MYO19: variants seen among roughly 807,000 people sequenced by gnomAD.
The protein encoded by MYO19 is unconventional myosin-XIX.
A neutral mutation model predicts 129.2 loss-of-function variants in MYO19; 132 were observed. That is an observed-to-expected ratio of 1.02 (90% CI 0.89 to 1.18). The LOEUF (loss-of-function observed/expected upper bound fraction) is 1.18, where lower values mean the gene tolerates loss of function less well. Ranked by LOEUF, MYO19 falls within the 50% of genes most tolerant of loss-of-function variation. The pLI, the probability that MYO19 is intolerant of heterozygous loss-of-function variation, is 0.00. For missense variants in MYO19, 1,210 were observed against 1,216.7 expected (o/e 0.99, Z 0.08); for synonymous variants, 531 against 477.2 (o/e 1.11, Z -1.47).
In MYO19 at chr17:36,515,898, T is replaced by C; in HGVS notation, c.507A>G (p.Glu169=). ...WESHKIAERI[E]QRILNSNPVM... ...CAGGGTTGGAGTTCAGGATCCTCTG[T>C]TCTATCCTCTCTGCAATCTTGTGGC... Residue 169 remains glutamate, a synonymous_variant, in exon 7 of 26, where the codon GAA becomes GAG. Coordinates refer to ENST00000614623, the MANE Select transcript of MYO19 (RefSeq NM_001163735.2). 6.2e-7 allele frequency: 1 copy of C among 1,613,882 alleles called. No individual in the cohort carries two copies. Among genetic ancestry groups the C allele is most frequent in the Non-Finnish European group, 8.5e-7 (1 of 1,179,788 alleles).
At chr17:36,523,795 A>G (rs569372239) in intron 6 of MYO19, among the ~76,000 whole-genome samples, 1 of 152,346 alleles carries the variant, frequency 6.6e-6, no homozygotes, top group African/African-American at 2.4e-5. Context: ...CCAAAACCAA[A>G]AAGTCAGTAA....
intron 23 of MYO19, chr17:36,499,654 C>CTTTTTCTTTTTTTTTT (rs1260911885): frequency 2.7e-5 from 2 of 73,092 alleles, no homozygotes; most frequent in African/African-American, 1.2e-4. Flanking sequence ...TATTCTTTTT[C>CTTTTTCTTTTTTTTTT]TTTTTGTTTC....
At chr17:36,511,968 G>A (rs997340911) in intron 11 of MYO19, among the ~76,000 whole-genome samples, 1 of 152,102 alleles carries the variant, frequency 6.6e-6, no homozygotes, top group East Asian at 1.9e-4. Context: ...GTGCCCCTTT[G>A]CCTTTGTACT....
intron 23 of MYO19, chr17:36,500,505 A>T (rs936470324): frequency 2.0e-5 from 6 of 296,794 alleles, no homozygotes; most frequent in Non-Finnish European, 3.8e-5. Context: ...CCAGCAGGTA[A>T]TGGTTTGAGT....
intron 6 of MYO19, among the ~76,000 whole-genome samples, chr17:36,516,736 C>T: frequency 6.6e-6 from 1 of 152,226 alleles, no homozygotes; most frequent in Non-Finnish European, 1.5e-5. Flanking sequence ...TTCATTTTAA[C>T]TTCTAATTGT....
chr17:36,541,602 T>C lies in MYO19; in HGVS notation n.395+479A>G, dbSNP rs188599340. On this transcript the variant is annotated intron_variant and non_coding_transcript_variant, in intron 2 of 2. Transcript: ENST00000610496. ...TACAGCTCCGTCCCTCCAACTGTTC[T>C]TTATTAGGTACCAGCAAAATGTGTT... 2.0e-5 allele frequency among the ~76,000 whole-genome samples: 3 copies of C among 152,372 alleles called. No individual in the cohort carries two copies. In the East Asian group the frequency reaches 5.8e-4, roughly 29 times the overall value.
chr17:36,533,436 G>A (rs948040395), intron 2 of MYO19: 1 of 152,150 alleles, frequency 6.6e-6, no homozygotes, highest in Non-Finnish European at 1.5e-5. Flanking sequence ...TTGAAGAATG[G>A]TTAAGTGACC....
At chr17:36,513,784 A>C (rs576400745) in intron 9 of MYO19, 59 bp from the exon 10 acceptor site, 20 of 1,422,250 alleles carry the variant, frequency 1.4e-5, no homozygotes, top group Non-Finnish European at 1.8e-5. Context: ...CCAGGCCTGC[A>C]TAGGCAGGCA....
chr17:36,528,613 G>A (rs76113179), intron 3 of MYO19, among the ~76,000 whole-genome samples: 1 of 152,172 alleles, frequency 6.6e-6, no homozygotes, highest in Non-Finnish European at 1.5e-5. Flanking sequence ...AGGAGACTCT[G>A]GTATCATAGT....
At chr17:36,526,101 T>A (rs965836527) in intron 5 of MYO19, among the ~76,000 whole-genome samples, 2 of 152,100 alleles carry the variant, frequency 1.3e-5, no homozygotes, top group African/African-American at 4.8e-5. Context: ...CCATATGGCG[T>A]CAGAGCCACT....
rs1486209639 is a variant in MYO19, at chr17:36,507,423, G to A, written c.1443C>T (p.Ile481=). Residue 481 remains isoleucine (I), a synonymous_variant, in exon 16 of 26, where the codon ATC becomes ATT. Coordinates refer to ENST00000614623, the MANE Select transcript of MYO19 (RefSeq NM_001163735.2). The part of the protein sequence containing the change: ...PCLDLIEGSP[I]SICSLINEEC... The stretch of plus-strand genomic sequence containing the variant: ...CCTCATTTATGAGGGAGCAGATGCT[G>A]ATGGGGCTTCCCTCAATGAGATCCA... 1.1e-5 allele frequency: 17 copies of A among 1,613,534 alleles called. No individual in the cohort carries two copies. Among genetic ancestry groups the A allele is most frequent in the Middle Eastern group, 3.3e-4 (2 of 5,980 alleles).
intron 13 of MYO19, 115 bp downstream of exon 13, chr17:36,510,631 G>A: frequency 8.3e-7 from 1 of 1,205,870 alleles, no homozygotes; most frequent in Non-Finnish European, 1.2e-6. Flanking sequence ...GAACCAGTCT[G>A]TCTTATCTCC....
chr17:36,530,075 T>C (rs2073735316), intron 3 of MYO19, among the ~76,000 whole-genome samples: 1 of 152,016 alleles, frequency 6.6e-6, no homozygotes, highest in Non-Finnish European at 1.5e-5. Context: ...AATAGAAAAA[T>C]TTCCAGCTGG....
At chr17:36,525,867 A>G (rs911612641) in intron 5 of MYO19, among the ~76,000 whole-genome samples, 2 of 152,174 alleles carry the variant, frequency 1.3e-5, no homozygotes, top group African/African-American at 2.4e-5. Context: ...GGCATCAATC[A>G]AGCTGGATGC....
intron 3 of MYO19, among the ~76,000 whole-genome samples, chr17:36,529,679 C>T (rs1336343533): frequency 1.3e-5 from 2 of 152,108 alleles, no homozygotes; most frequent in African/African-American, 4.8e-5. Context: ...ACAGCTATAT[C>T]TATGCATATC....
chr17:36,503,660 T>C (rs2051395393), intron 20 of MYO19, among the ~76,000 whole-genome samples: 1 of 152,246 alleles, frequency 6.6e-6, no homozygotes, highest in Non-Finnish European at 1.5e-5. Context: ...GCACCTGATA[T>C]CTGCACTTCC....
At position 36,498,381 on chromosome 17, in the gene MYO19, T is replaced by C; in HGVS notation, c.2642A>G (p.Gln881Arg). ...ANTAMGVGSF[Q>R]RKLVVWACLQ... ...GCAAGCCCAGACCACTAATTTCCTC[T>C]GAAAGCTGCCTACACCCATAGCCGT... Residue 881 changes from glutamine to arginine, a missense_variant, in exon 25 of 26, where the codon CAG becomes CGG. Physicochemically the swap from Gln to Arg is conservative, Grantham distance 43. Transcript: ENST00000614623. The C allele has an allele frequency of 6.2e-7, 1 of 1,613,986 alleles. No homozygotes were observed. The highest frequency in any genetic ancestry group is 8.5e-7 in the Non-Finnish European group (1 of 1,179,880).
At chr17:36,507,203 C>A in intron 16 of MYO19, 64 bp from the exon 17 acceptor site, 1 of 1,564,196 alleles carries the variant, frequency 6.4e-7, no homozygotes. Flanking sequence ...CCCTCACTGT[C>A]CCCACCCTGT....
intron 11 of MYO19, among the ~76,000 whole-genome samples, chr17:36,512,342 T>C (rs570656116): frequency 6.7e-6 from 1 of 150,216 alleles, no homozygotes; most frequent in African/African-American, 2.5e-5. Context: ...TGAGCTGAGA[T>C]TGTGCCACTG....
Sources: gnomAD v4.1 joint callset for allele counts (sites outside exome capture counted in the v4.1 genomes callset) on GRCh38, gnomAD v4.1.1 for gene constraint, MANE v1.5 for transcripts, NCBI Gene and HGNC (gene_info 2026-07-23, HGNC 2026-07-21) for gene names.